FCSK: variants seen among roughly 807,000 people sequenced by gnomAD.
FCSK encodes fucose kinase.
FCSK carries 123 observed loss-of-function variants against 122.5 expected under a neutral mutation model. The observed-to-expected ratio is 1.00, with a 90% CI of 0.87 to 1.17. The LOEUF is 1.17. Among genes scored for constraint, FCSK ranks in the 50% most tolerant of loss-of-function variants. The pLI, the probability that FCSK is intolerant of heterozygous loss-of-function variation, is 0.00. For synonymous variants in FCSK, 620 were observed against 625.5 expected (o/e 0.99, Z 0.13); for missense variants, 1,366 against 1,450.4 (o/e 0.94, Z 0.95).
At chr16:70,474,717 G>T (rs896905332) in intron 17 of FCSK, 23 bp downstream of exon 17, 1 of 1,582,406 alleles carries the variant, frequency 6.3e-7, no homozygotes, top group Admixed American at 1.8e-5. Context: ...TGGCAGGTGG[G>T]GTTGAGGGTA....
intron 9 of FCSK, 26 bp downstream of exon 9, chr16:70,468,994 G>T (rs1261147959): frequency 6.2e-7 from 1 of 1,611,666 alleles, no homozygotes; most frequent in African/African-American, 1.3e-5. Context: ...CAGCTAGGTG[G>T]GGCCTGGCTT....
chr16:70,455,331 G>A (rs979341898), intron 1 of FCSK, among the ~76,000 whole-genome samples: 1 of 152,150 alleles, frequency 6.6e-6, no homozygotes, highest in Non-Finnish European at 1.5e-5. Context: ...TATTGAAAGT[G>A]GGTAGAGGCT....
At position 70,475,780 on chromosome 16, in the gene FCSK, C is replaced by G; in HGVS notation, c.2641+13C>G. 6.4e-7 allele frequency: 1 copy of G among 1,551,584 alleles called. No individual in the cohort carries two copies. The highest frequency in any genetic ancestry group is 8.7e-7 in the Non-Finnish European group (1 of 1,147,562). On this transcript the variant is annotated intron_variant, in intron 20 of 23. Coordinates refer to ENST00000288078, the MANE Select transcript of FCSK (RefSeq NM_145059.3). ...GTGCTCACCACTGGTATGTGACTGC[C>G]CTGGAGTTGGAGGAGGTCACTGACA... is the stretch of plus-strand genomic sequence containing the variant.
intron 1 of FCSK, chr16:70,457,893 G>T (rs924598637): frequency 4.0e-5 from 6 of 151,746 alleles, no homozygotes; most frequent in African/African-American, 4.8e-5. Flanking sequence ...CACTGCACCT[G>T]GCCTCTTGCT....
At chr16:70,472,147 TG>T (rs1476000347) in intron 13 of FCSK, among the ~76,000 whole-genome samples, 1 of 152,062 alleles carries the variant, frequency 6.6e-6, no homozygotes, top group African/African-American at 2.4e-5. Context: ...GGCTAGAGAC[TG>T]GGATTCAGAG....
intron 19 of FCSK, 46 bp downstream of exon 19, chr16:70,475,539 C>G: frequency 6.3e-7 from 1 of 1,593,528 alleles, no homozygotes; most frequent in South Asian, 1.1e-5. Context: ...TTACAGCCCT[C>G]CAGCCTTGCC....
intron 3 of FCSK, 26 bp downstream of exon 3, chr16:70,463,800 C>A: frequency 6.3e-7 from 1 of 1,586,598 alleles, no homozygotes. Context: ...GGCCACCTCC[C>A]TGGTCTGTGT....
In FCSK at chr16:70,466,935, G is replaced by C. The variant is rs1165936509; in HGVS notation, c.465G>C (p.Leu155=). 2 of 1,613,858 alleles carry C rather than the reference G, an allele frequency of 1.2e-6. No homozygotes were observed. The highest frequency in any genetic ancestry group is 1.7e-6 in the Non-Finnish European group (2 of 1,180,036). ...GGGTCTGCAGCACCGACATGCTGCT[G>C]TCTGTTCCTGCAAATCCTGGTGAGC... is the stretch of plus-strand genomic sequence containing the variant. ...GVWVCSTDML[L]SVPANPGISW... Residue 155 remains leucine, a synonymous_variant, in exon 6 of 24, where the codon CTG becomes CTC. Transcript: ENST00000288078.
At chr16:70,468,063 A>G (rs1393271563) in intron 8 of FCSK, 97 bp downstream of exon 8, 2 of 899,342 alleles carry the variant, frequency 2.2e-6, no homozygotes, top group Non-Finnish European at 3.6e-6. Flanking sequence ...AGCCTCCAGG[A>G]CAAGCTAGAG....
intron 5 of FCSK, 43 bp downstream of exon 5, chr16:70,466,300 G>A (rs781085530): frequency 1.1e-5 from 18 of 1,608,470 alleles, no homozygotes; most frequent in Non-Finnish European, 1.2e-5. Context: ...CCCAGATAGA[G>A]CCACTTCCCT....
chr16:70,458,952 A>G (rs1028492780), intron 1 of FCSK, among the ~76,000 whole-genome samples: 2 of 151,960 alleles, frequency 1.3e-5, no homozygotes, highest in Non-Finnish European at 2.9e-5. Flanking sequence ...AATTAAATTT[A>G]AAAATAAATT....
intron 1 of FCSK, among the ~76,000 whole-genome samples, chr16:70,461,832 C>T (rs2048275165): frequency 6.6e-6 from 1 of 152,244 alleles, no homozygotes; most frequent in African/African-American, 2.4e-5. Context: ...TTTGGAATGT[C>T]AGCAGACATG....
chr16:70,465,406 C>G (rs2048386295), intron 4 of FCSK, among the ~76,000 whole-genome samples: 3 of 149,984 alleles, frequency 2.0e-5, no homozygotes, highest in African/African-American at 7.4e-5. Flanking sequence ...GCCTGTAAAT[C>G]TCAGCACTTT....
At chr16:70,478,784 C>G (rs1049133304) in intron 22 of FCSK, 134 bp downstream of exon 22, 37 of 769,582 alleles carry the variant, frequency 4.8e-5, no homozygotes, top group Middle Eastern at 2.2e-4. Context: ...AGCCTACTGT[C>G]TGTCCTCTCC....
At chr16:70,470,878 G>A (rs1457048638) in intron 11 of FCSK, 93 bp from the exon 12 acceptor site, 2 of 1,132,332 alleles carry the variant, frequency 1.8e-6, no homozygotes, top group African/African-American at 3.1e-5. Flanking sequence ...CAGTAGGCCT[G>A]GACGCTTTGC....
chr16:70,457,986 A>G (rs1177223024), intron 1 of FCSK: 1 of 151,652 alleles, frequency 6.6e-6, no homozygotes, highest in Non-Finnish European at 1.5e-5. Context: ...GTGTGTTGCA[A>G]CTTTGACTAT....
chr16:70,458,524 T>C (rs1483559375), intron 1 of FCSK, among the ~76,000 whole-genome samples: 4 of 151,852 alleles, frequency 2.6e-5, no homozygotes, highest in Admixed American at 2.6e-4. Flanking sequence ...TGGAGTGCAG[T>C]GGCGTGATCT....
chr16:70,458,077 TAAAAAA>T lies in FCSK; in HGVS notation c.-23+3454_-23+3459del. On this transcript the variant is annotated intron_variant, in intron 1 of 23. Transcript: ENST00000288078. ...GCAGGGTCTAAGGGTGTTGTCAAGA[TAAAAAA>T]AAAAAATCACAGCACCTTAACTGTG... The T allele has an allele frequency of 3.5e-5, 5 of 144,224 alleles. 1 individual carries two copies. Among genetic ancestry groups the T allele is most frequent in the African/African-American group, 1.2e-4 (5 of 40,518 alleles). 8.9% of individuals were successfully genotyped at this position (144,224 alleles called of 1,614,324 possible).
chr16:70,457,836 A>G (rs1469123198), intron 1 of FCSK: 1 of 150,356 alleles, frequency 6.7e-6, no homozygotes, highest in Non-Finnish European at 1.5e-5. Flanking sequence ...GGCTCAAGCC[A>G]TCCGCCTGTC....
Sources: gnomAD v4.1 joint callset for allele counts (sites outside exome capture counted in the v4.1 genomes callset) on GRCh38, gnomAD v4.1.1 for gene constraint, MANE v1.5 for transcripts, NCBI Gene and HGNC (gene_info 2026-07-23, HGNC 2026-07-21) for gene names.